The following OPCML variants were observed in gnomAD, a reference collection of about 807,000 sequenced individuals.
OPCML encodes the protein opioid-binding protein/cell adhesion molecule.
A neutral mutation model predicts 37.8 loss-of-function variants in OPCML; 13 were observed. That is an observed-to-expected ratio of 0.34 (90% confidence interval 0.22 to 0.55). The LOEUF (loss-of-function observed/expected upper bound fraction) is 0.55, where lower values mean the gene tolerates loss of function less well. Ranked by LOEUF, OPCML falls within the 20% of genes least tolerant of loss-of-function variation. The pLI, the probability that OPCML is intolerant of heterozygous loss-of-function variation, is 0.91. For missense variants in OPCML, 341 were observed against 435.6 expected (o/e 0.78, Z 1.93); for synonymous variants, 176 against 168.8 (o/e 1.04, Z -0.33).
rs1565353246 is a variant in OPCML at position 132,937,536 on chromosome 11, GGTGTGTGTGTGTGGA to G, written c.146+5375_146+5389del. ...TGTCTGTGTGGTGTGTGGTGTGTGTGGTGTGTGTGTGTGGAGTGTGTGTGTGTCGTGTGTGTGTGG... is the reference window on the plus strand; with the variant it reads ...TGTCTGTGTGGTGTGTGGTGTGTGTGGTGTGTGTGTGTCGTGTGTGTGTGG... On this transcript the variant is annotated intron_variant, in intron 2 of 7. Transcript: ENST00000524381. Among the ~76,000 whole-genome samples the G allele has an allele frequency of 2.0e-5, 3 of 150,418 alleles. No individual in the cohort carries two copies. In the East Asian group the frequency reaches 5.9e-4, roughly 30 times the overall value.
chr11:132,816,770 T>C (rs1210876106), intron 2 of OPCML, among the ~76,000 whole-genome samples: 1 of 152,322 alleles, frequency 6.6e-6, no homozygotes, highest in South Asian at 2.1e-4. Context: ...CATTTTAGGA[T>C]AGAGATAACA....
intron 1 of OPCML, among the ~76,000 whole-genome samples, chr11:133,001,798 C>G (rs1362634113): frequency 2.0e-5 from 3 of 152,360 alleles, no homozygotes; most frequent in African/African-American, 7.2e-5. Flanking sequence ...CTCAGCGGAA[C>G]TCTAGGTGCA....
chr11:132,762,979 C>T (rs977656742), intron 2 of OPCML, among the ~76,000 whole-genome samples: 3 of 152,088 alleles, frequency 2.0e-5, no homozygotes, highest in African/African-American at 2.4e-5. Context: ...CTGTGGGTTG[C>T]GAAGAACATG....
chr11:133,136,739 T>C lies in OPCML; in HGVS notation c.62-193729A>G, dbSNP rs539996297. Among the ~76,000 whole-genome samples, 26 of 151,774 alleles carry C rather than the reference T, an allele frequency of 1.7e-4. 1 individual carries two copies. Among genetic ancestry groups the C allele is most frequent in the South Asian group, 1.5e-3 (7 of 4,798 alleles). On this transcript the variant is annotated intron_variant, in intron 1 of 7. Coordinates refer to ENST00000524381, the MANE Select transcript of OPCML (RefSeq NM_001012393.5). Reference sequence around the variant, plus strand: ...AAGAAATGCTACATTGGAAGTAAGATTGGAAATTTAGGATGTGGCTCGATT... The same window carrying C: ...AAGAAATGCTACATTGGAAGTAAGACTGGAAATTTAGGATGTGGCTCGATT...
intron 2 of OPCML, among the ~76,000 whole-genome samples, chr11:132,839,436 C>T (rs563966258): frequency 7.2e-5 from 11 of 152,308 alleles, no homozygotes; most frequent in Middle Eastern, 3.4e-3. Context: ...ATATGGGAGG[C>T]GCTTGGCTGC....
At chr11:133,014,407 C>A (rs930734876) in intron 1 of OPCML, among the ~76,000 whole-genome samples, 1 of 152,016 alleles carries the variant, frequency 6.6e-6, no homozygotes, top group African/African-American at 2.4e-5. Flanking sequence ...TTATTGTTCT[C>A]CCCTACGGTT....
intron 1 of OPCML, among the ~76,000 whole-genome samples, chr11:133,232,585 A>G (rs1016670695): frequency 6.6e-6 from 1 of 151,960 alleles, no homozygotes; most frequent in Non-Finnish European, 1.5e-5. Flanking sequence ...GAAAAAAAAA[A>G]CCACCTCACT....
intron 1 of OPCML, among the ~76,000 whole-genome samples, chr11:132,988,955 A>G (rs929035451): frequency 6.6e-6 from 1 of 152,210 alleles, no homozygotes; most frequent in East Asian, 1.9e-4. Context: ...ATAGGAAGAA[A>G]TATTCTGTGG....
chr11:133,221,565 T>C (rs1171639165), intron 1 of OPCML, among the ~76,000 whole-genome samples: 3 of 152,034 alleles, frequency 2.0e-5, no homozygotes, highest in African/African-American at 7.2e-5. Context: ...TCCATACCGG[T>C]GAATCACAAC....
chr11:133,008,803 C>T, intron 1 of OPCML: 1 of 746,238 alleles, frequency 1.3e-6, no homozygotes, highest in Non-Finnish European at 1.6e-6. Flanking sequence ...AGGTGTTCTT[C>T]CTGACAGTAC....
intron 1 of OPCML, among the ~76,000 whole-genome samples, chr11:133,310,758 C>T (rs910613089): frequency 2.8e-4 from 42 of 152,110 alleles, no homozygotes; most frequent in African/African-American, 1.0e-3. Context: ...AGCCTGAAAT[C>T]CTGGCTCAAA....
At chr11:133,125,161 A>G (rs1478044648) in intron 1 of OPCML, among the ~76,000 whole-genome samples, 1 of 152,086 alleles carries the variant, frequency 6.6e-6, no homozygotes, top group Non-Finnish European at 1.5e-5. Flanking sequence ...AATGCTTTGG[A>G]TGTGTAGAGA....
intron 1 of OPCML, among the ~76,000 whole-genome samples, chr11:133,217,112 T>C (rs1410836121): frequency 1.7e-5 from 1 of 57,416 alleles, no homozygotes; most frequent in African/African-American, 4.8e-5. Flanking sequence ...ACTCAGCCCT[T>C]TTCCTTCAGA....
intron 1 of OPCML, among the ~76,000 whole-genome samples, chr11:133,384,800 C>A (rs949717993): frequency 6.6e-6 from 1 of 152,238 alleles, no homozygotes; most frequent in Non-Finnish European, 1.5e-5. Flanking sequence ...CAGAAGTGGA[C>A]ATGTGACCTC....
chr11:132,967,956 A>G (rs1219595129), intron 1 of OPCML, among the ~76,000 whole-genome samples: 3 of 152,326 alleles, frequency 2.0e-5, no homozygotes, highest in South Asian at 2.1e-4. Flanking sequence ...GCACATATGA[A>G]GAGCTTCCCT....
At chr11:133,006,868 T>G (rs1947123579) in intron 1 of OPCML, 1 of 985,436 alleles carries the variant, frequency 1.0e-6, no homozygotes, top group Non-Finnish European at 1.2e-6. Flanking sequence ...TATATCAGAA[T>G]GCAGTAGGCT....
At position 133,532,308 on chromosome 11, in the gene OPCML, T is replaced by G; in HGVS notation, c.17A>C (p.Tyr6Ser). The change falls in exon 1 of 8, where the codon TAC becomes TCC. Residue 6 changes from tyrosine (Y) to serine (S), a missense_variant. Tyr to Ser is a moderately radical substitution (Grantham distance 144, BLOSUM62 -2). Coordinates refer to ENST00000524381, the MANE Select transcript of OPCML (RefSeq NM_001012393.5). MYHPA[Y>S]WVVFSATTAL... ...AGTTGTCGCCGAGAAGACGACCCAG[T>G]AGGCAGGATGGTACATCTCGACGCT... is the stretch of plus-strand genomic sequence containing the variant. The G allele has an allele frequency of 6.2e-7, 1 of 1,613,812 alleles. No individual in the cohort carries two copies. Among genetic ancestry groups the G allele is most frequent in the South Asian group, 1.1e-5 (1 of 90,980 alleles).
At chr11:133,273,928 G>A (rs1187785905) in intron 1 of OPCML, among the ~76,000 whole-genome samples, 5 of 152,186 alleles carry the variant, frequency 3.3e-5, no homozygotes, top group Non-Finnish European at 5.9e-5. Flanking sequence ...TTTGAAATTC[G>A]TGTGTTAGAC....
At chr11:132,585,909 T>C (rs2096471629) in intron 3 of OPCML, among the ~76,000 whole-genome samples, 1 of 152,186 alleles carries the variant, frequency 6.6e-6, no homozygotes, top group Non-Finnish European at 1.5e-5. Flanking sequence ...CTGAAAGCCA[T>C]TTTCTCAAAC....
Sources: gnomAD v4.1 joint callset for allele counts (sites outside exome capture counted in the v4.1 genomes callset) on GRCh38, gnomAD v4.1.1 for gene constraint, MANE v1.5 for transcripts, NCBI Gene and HGNC (gene_info 2026-07-23, HGNC 2026-07-21) for gene names.